The following HS1BP3 variants were observed in gnomAD, a reference collection of about 807,000 sequenced individuals.
The protein encoded by HS1BP3 is HCLS1-binding protein 3.
A neutral mutation model predicts 33.5 loss-of-function variants in HS1BP3; 32 were observed. The ratio of observed to expected loss-of-function variants is 0.95; its 90% CI spans 0.72 to 1.28. The LOEUF (loss-of-function observed/expected upper bound fraction) is 1.28, where lower values mean the gene tolerates loss of function less well. Among genes scored for constraint, HS1BP3 ranks in the 50% most tolerant of loss-of-function variants. The pLI is 0.00. For synonymous variants in HS1BP3, 187 were observed against 209.2 expected (o/e 0.89, Z 0.92); for missense variants, 486 against 502.3 (o/e 0.97, Z 0.31).
At chr2:20,620,922 A>T (rs1003964551) in intron 6 of HS1BP3, among the ~76,000 whole-genome samples, 1 of 152,234 alleles carries the variant, frequency 6.6e-6, no homozygotes. Context: ...CCTGGAAAGA[A>T]GGTGTTGAAG....
intron 5 of HS1BP3, among the ~76,000 whole-genome samples, chr2:20,584,581 C>G (rs1693634767): frequency 6.6e-6 from 1 of 152,224 alleles, no homozygotes; most frequent in Admixed American, 6.5e-5. Flanking sequence ...TCTGCTGGAG[C>G]CAGTCCAGAC....
the HS1BP3 span, among the ~76,000 whole-genome samples, chr2:20,554,116 A>G: frequency 6.6e-6 from 1 of 152,200 alleles, no homozygotes; most frequent in South Asian, 2.1e-4. Context: ...TAGGACTCCC[A>G]AGTCTTATAA....
At position 20,618,963 on chromosome 2, in the gene HS1BP3, G is replaced by A. The variant is rs755306007; in HGVS notation, c.*24C>T. On this transcript the variant is annotated 3_prime_UTR_variant, in exon 7 of 7. Transcript: ENST00000304031. ...CGATGTCCCCACAGACAGGCCTGCT[G>A]GGCCAGGGGCCAGCATGGAAGGGTC... 2.6e-5 allele frequency: 42 copies of A among 1,603,060 alleles called. No homozygotes were observed. Among genetic ancestry groups the A allele is most frequent in the African/African-American group, 4.0e-5 (3 of 74,760 alleles).
At chr2:20,644,947 C>T (rs1295553750) in intron 2 of HS1BP3, among the ~76,000 whole-genome samples, 1 of 152,202 alleles carries the variant, frequency 6.6e-6, no homozygotes, top group Non-Finnish European at 1.5e-5. Context: ...ACCTCCGTGC[C>T]TTTGCTTAGG....
chr2:20,582,074 T>A (rs1013050088), intron 5 of HS1BP3, among the ~76,000 whole-genome samples: 6 of 152,216 alleles, frequency 3.9e-5, no homozygotes, highest in African/African-American at 1.4e-4. Context: ...CTCAATTACA[T>A]TTGCAAAATC....
intron 2 of HS1BP3, among the ~76,000 whole-genome samples, chr2:20,599,996 G>A (rs1694035175): frequency 6.6e-6 from 1 of 152,102 alleles, no homozygotes; most frequent in Admixed American, 6.5e-5. Context: ...AGCCCTCAGG[G>A]GCCTGAGAGT....
At chr2:20,604,801 T>A (rs1444561764) in intron 2 of HS1BP3, among the ~76,000 whole-genome samples, 2 of 152,066 alleles carry the variant, frequency 1.3e-5, no homozygotes, top group Non-Finnish European at 2.9e-5. Context: ...TTCCATCCCA[T>A]CCCCTGAGAG....
intron 4 of HS1BP3, among the ~76,000 whole-genome samples, chr2:20,631,553 A>AAAAAAAAT (rs377095058): frequency 9.2e-6 from 1 of 108,206 alleles, no homozygotes; most frequent in Non-Finnish European, 1.9e-5. Flanking sequence ...AAAAAAAAAA[A>AAAAAAAAT]GGGGCCAGCC....
intron 3 of HS1BP3, chr2:20,640,662 T>C (rs1695310463): frequency 1.6e-5 from 9 of 555,150 alleles, no homozygotes; most frequent in South Asian, 1.5e-4. Context: ...ATGTGGTGCA[T>C]GGTCAGTCGG....
intron 2 of HS1BP3, among the ~76,000 whole-genome samples, chr2:20,604,699 T>C (rs565100979): frequency 1.3e-5 from 2 of 152,344 alleles, no homozygotes; most frequent in African/African-American, 2.4e-5. Context: ...ATCCAGCCTG[T>C]CTGACAGCAA....
chr2:20,637,224 C>A (rs985582253), intron 4 of HS1BP3: 16 of 152,276 alleles, frequency 1.1e-4, no homozygotes, highest in African/African-American at 3.9e-4. Context: ...AAGTCCATCT[C>A]GGTTTGGCAC....
chr2:20,562,517 T>C (rs1202266003), intron 5 of HS1BP3, among the ~76,000 whole-genome samples: 1 of 152,270 alleles, frequency 6.6e-6, no homozygotes, highest in East Asian at 1.9e-4. Flanking sequence ...ATATAATTAA[T>C]GGGTAAATGT....
At chr2:20,566,367 G>A (rs1693128009) in intron 5 of HS1BP3, among the ~76,000 whole-genome samples, 2 of 152,186 alleles carry the variant, frequency 1.3e-5, no homozygotes, top group Non-Finnish European at 2.9e-5. Context: ...GGTCCGGGTG[G>A]GGTGACTCCC....
At chr2:20,628,246 C>T (rs560582652) in intron 4 of HS1BP3, among the ~76,000 whole-genome samples, 26 of 152,214 alleles carry the variant, frequency 1.7e-4, no homozygotes, top group African/African-American at 5.5e-4. Flanking sequence ...AAGATGAGGA[C>T]GAGCCGCCGC....
rs148578346 is a variant in HS1BP3, at chr2:20,629,953, G to C, written c.624-5061C>G. Among the ~76,000 whole-genome samples, 58 of 152,332 alleles carry C rather than the reference G, an allele frequency of 3.8e-4. 1 individual carries two copies. The highest frequency in any genetic ancestry group is 1.2e-3 in the African/African-American group (50 of 41,584). On this transcript the variant is annotated intron_variant, in intron 4 of 6. Transcript: ENST00000304031. ...GCATCCACCACTCTGGCCACCCAGG[G>C]GGCCTGTGGCACCATTCCCAGATGT... is the stretch of plus-strand genomic sequence containing the variant.
chr2:20,642,275 AG>A (rs1695377223), intron 2 of HS1BP3, among the ~76,000 whole-genome samples: 1 of 152,154 alleles, frequency 6.6e-6, no homozygotes, highest in South Asian at 2.1e-4. Flanking sequence ...CCCTTGGTGC[AG>A]GGTGTGTCTG....
intron 2 of HS1BP3, among the ~76,000 whole-genome samples, chr2:20,598,686 G>A (rs1694002569): frequency 6.7e-6 from 1 of 148,936 alleles, no homozygotes; most frequent in Non-Finnish European, 1.5e-5. Flanking sequence ...AGCCTCCCGA[G>A]TAGCTGGGAC....
At chr2:20,557,847 A>G (rs1692876343), downstream of HS1BP3, among the ~76,000 whole-genome samples, 2 of 152,212 alleles carry the variant, frequency 1.3e-5, no homozygotes, top group Non-Finnish European at 2.9e-5. Flanking sequence ...GTTTAGGGCA[A>G]CAAGAGGAGA....
At chr2:20,568,046 C>T (rs185496250) in intron 5 of HS1BP3, among the ~76,000 whole-genome samples, 59 of 152,306 alleles carry the variant, frequency 3.9e-4, no homozygotes, top group African/African-American at 1.3e-3. Flanking sequence ...GGACCACCCC[C>T]ACCACCCCTG....
Sources: allele counts gnomAD v4.1 joint callset (sites outside exome capture counted in the v4.1 genomes callset), GRCh38; gene constraint gnomAD v4.1.1; transcripts MANE v1.5; gene names NCBI Gene and HGNC (gene_info 2026-07-23, HGNC 2026-07-21).